The following DAB1 variants were observed in gnomAD, a reference collection of about 807,000 sequenced individuals.
DAB1 encodes the protein DAB adaptor protein 1, also known as disabled homolog 1.
In DAB1, 15 loss-of-function variants were observed where a neutral mutation model predicts 64.6. That is an observed-to-expected ratio of 0.23 (90% confidence interval 0.16 to 0.36). The LOEUF (loss-of-function observed/expected upper bound fraction) is 0.36, where lower values mean the gene tolerates loss of function less well. Among genes scored for constraint, DAB1 ranks in the 10% least tolerant of loss-of-function variants. The pLI, the probability that DAB1 is intolerant of heterozygous loss-of-function variation, is 1.00. For missense variants in DAB1, 596 were observed against 706.7 expected (o/e 0.84, Z 1.78); for synonymous variants, 235 against 251.9 (o/e 0.93, Z 0.64).
chr1:57,608,541 C>T (rs544975459), intron 7 of DAB1, among the ~76,000 whole-genome samples: 1 of 152,262 alleles, frequency 6.6e-6, no homozygotes, highest in African/African-American at 2.4e-5. Flanking sequence ...TATCAATAGA[C>T]TTGAGTTATT....
At chr1:57,023,482 C>T (rs540936246) in intron 11 of DAB1, 49 bp downstream of exon 11, 6 of 1,091,526 alleles carry the variant, frequency 5.5e-6, no homozygotes, top group South Asian at 4.0e-5. Flanking sequence ...CTTTCTCTCT[C>T]TTAATGAGTG....
rs534593821 is a variant in DAB1 at position 58,378,164 on chromosome 1, CCTT to C, written n.258-34764_258-34762del. Among the ~76,000 whole-genome samples, 799 of 124,226 alleles carry C rather than the reference CCTT, an allele frequency of 6.4e-3. 92 individuals are homozygous for C. Among genetic ancestry groups the C allele is most frequent in the African/African-American group, 0.024 (772 of 31,770 alleles). The allele number at this position is 124,226 out of a possible 152,430, so 81.5% of individuals were successfully genotyped here. ...CTCAGAGTAATTTGATCGTCTGAAG[CCTT>C]CTTCTCTCAGCTTGTCAAAATCATT... is the stretch of plus-strand genomic sequence containing the variant. On this transcript the variant is annotated intron_variant and non_coding_transcript_variant, in intron 3 of 20. Transcript: ENST00000485760.
chr1:57,377,269 TAAA>T (rs745487315), intron 1 of DAB1, among the ~76,000 whole-genome samples: 1 of 137,208 alleles, frequency 7.3e-6, no homozygotes, highest in Non-Finnish European at 1.6e-5. Flanking sequence ...GACTCCATCT[TAAA>T]AAAAAAAAAA....
intron 2 of DAB1, among the ~76,000 whole-genome samples, chr1:57,255,598 G>A (rs1208099783): frequency 1.3e-5 from 2 of 152,188 alleles, no homozygotes; most frequent in East Asian, 1.9e-4. Context: ...GGTCAAGGCT[G>A]TAGAGAGCTG....
At chr1:57,230,701 GATCAA>G (rs1667616671) in intron 2 of DAB1, among the ~76,000 whole-genome samples, 1 of 151,986 alleles carries the variant, frequency 6.6e-6, no homozygotes, top group Non-Finnish European at 1.5e-5. Context: ...AATGTGTAAT[GATCAA>G]ATCAGGGAAA....
At position 58,377,913 on chromosome 1, in the gene DAB1, G is replaced by C. The variant is rs188250728; in HGVS notation, n.258-34510C>G. On this transcript the variant is annotated intron_variant and non_coding_transcript_variant, in intron 3 of 20. Transcript: ENST00000485760. Reference sequence around the variant, plus strand: ...CGTTTTTCTCTAAACTTCCCTTCTCGCTTCATTTCATTCATTTCATCTTCC... The same window carrying C: ...CGTTTTTCTCTAAACTTCCCTTCTCCCTTCATTTCATTCATTTCATCTTCC... Among the ~76,000 whole-genome samples the C allele has an allele frequency of 3.8e-5, 5 of 131,878 alleles. 1 individual carries two copies. The Admixed American group carries it at 3.8e-4, about 10-fold the overall frequency. The allele number at this position is 131,878 out of a possible 152,430, so 86.5% of individuals were successfully genotyped here.
chr1:57,119,439 C>T (rs1169705366), intron 4 of DAB1, among the ~76,000 whole-genome samples: 1 of 152,116 alleles, frequency 6.6e-6, no homozygotes, highest in African/African-American at 2.4e-5. Flanking sequence ...ATTCCAGCTA[C>T]CTTTATTACA....
chr1:57,955,588 G>A (rs1460541099), intron 5 of DAB1, among the ~76,000 whole-genome samples: 1 of 152,280 alleles, frequency 6.6e-6, no homozygotes, highest in East Asian at 1.9e-4. Flanking sequence ...AAGTGTAGAA[G>A]TTGGAATAAT....
At chr1:58,487,911 C>T (rs770202486) in intron 3 of DAB1, among the ~76,000 whole-genome samples, 5 of 137,894 alleles carry the variant, frequency 3.6e-5, no homozygotes, top group Non-Finnish European at 8.2e-5. Flanking sequence ...CGTACCTCTT[C>T]TCCTGATCCT....
At position 57,290,818 on chromosome 1, in the gene DAB1, A is replaced by T. The variant is rs560377304; in HGVS notation, c.67+146T>A. 7 of 527,588 alleles carry T rather than the reference A, an allele frequency of 1.3e-5. No homozygotes were observed. In the Admixed American group the frequency reaches 2.3e-4, roughly 17 times the overall value. The allele number at this position is 527,588 out of a possible 1,614,324, so 32.7% of individuals were successfully genotyped here. Reference sequence around the variant, plus strand: ...GAGAATAATGATGAACCATTACATTATTATATTATTAACACAAAACACACA... The same window carrying T: ...GAGAATAATGATGAACCATTACATTTTTATATTATTAACACAAAACACACA... On this transcript the variant is annotated intron_variant, in intron 2 of 14. Transcript: ENST00000371236.
chr1:58,130,642 A>G (rs1191622462), intron 5 of DAB1, among the ~76,000 whole-genome samples: 31 of 152,000 alleles, frequency 2.0e-4, no homozygotes, highest in South Asian at 6.3e-4. Flanking sequence ...AGCTCTTGTA[A>G]GGCAGGCCTG....
intron 5 of DAB1, among the ~76,000 whole-genome samples, chr1:58,103,953 A>G (rs902488356): frequency 1.3e-5 from 2 of 152,182 alleles, no homozygotes; most frequent in African/African-American, 4.8e-5. Flanking sequence ...AAGGGCAACA[A>G]CAAACCCCTC....
intron 6 of DAB1, among the ~76,000 whole-genome samples, chr1:57,656,168 C>A (rs1346255598): frequency 6.6e-6 from 1 of 152,130 alleles, no homozygotes; most frequent in Non-Finnish European, 1.5e-5. Context: ...GGGCCCTCAC[C>A]AGAACCCAGC....
rs1242974819 is a variant in DAB1, at chr1:56,996,412, CA to C, written c.*1731del. The C allele has an allele frequency of 6.6e-6, 1 of 152,100 alleles. No individual in the cohort carries two copies. The highest frequency in any genetic ancestry group is 1.5e-5 in the Non-Finnish European group (1 of 68,022). 9.4% of individuals were successfully genotyped at this position (152,100 alleles called of 1,614,324 possible). On this transcript the variant is annotated 3_prime_UTR_variant, in exon 15 of 15. Transcript: ENST00000371236. ...ACCTGTATAACAATTCTCTGTAGGG[CA>C]AAAATATATAGATTCTTTATGAAAA...
intron 6 of DAB1, among the ~76,000 whole-genome samples, chr1:57,679,157 G>A (rs143514749): frequency 7.9e-5 from 12 of 152,228 alleles, no homozygotes; most frequent in African/African-American, 2.9e-4. Context: ...TAGCTCCTAA[G>A]TGGCCAAGTT....
chr1:57,096,150 T>C (rs1654143944), intron 4 of DAB1, among the ~76,000 whole-genome samples: 1 of 152,052 alleles, frequency 6.6e-6, no homozygotes, highest in Non-Finnish European at 1.5e-5. Context: ...CTGAGAGGGG[T>C]TGTCCTTTGT....
chr1:57,755,471 T>G (rs1175738746), intron 6 of DAB1, among the ~76,000 whole-genome samples: 5 of 152,314 alleles, frequency 3.3e-5, no homozygotes, highest in Admixed American at 1.3e-4. Flanking sequence ...GAGAACAAAA[T>G]TGGTCGATCC....
intron 3 of DAB1, among the ~76,000 whole-genome samples, chr1:58,464,036 ACAGGAGGTG>A (rs1464974452): frequency 6.6e-6 from 1 of 152,230 alleles, no homozygotes; most frequent in Non-Finnish European, 1.5e-5. Flanking sequence ...ATACTGAACG[ACAGGAGGTG>A]CAGAGCCTGG....
chr1:58,323,790 C>T (rs140270222), intron 4 of DAB1, among the ~76,000 whole-genome samples: 2,109 of 151,614 alleles, frequency 0.014, 20 homozygotes, highest in Middle Eastern at 0.02. Context: ...CCAGGCGTGG[C>T]GGTGGGCGCC....
Sources: allele counts gnomAD v4.1 joint callset (sites outside exome capture counted in the v4.1 genomes callset), GRCh38; gene constraint gnomAD v4.1.1; transcripts MANE v1.5; gene names NCBI Gene and HGNC (gene_info 2026-07-23, HGNC 2026-07-21).